The following DHTKD1 variants were observed in gnomAD, a reference collection of about 807,000 sequenced individuals.
DHTKD1 encodes the protein 2-oxoadipate dehydrogenase complex component E1.
A neutral mutation model predicts 101.8 loss-of-function variants in DHTKD1; 78 were observed. That is an observed-to-expected ratio of 0.77 (90% confidence interval 0.64 to 0.93). The LOEUF is 0.93. Ranked by LOEUF, DHTKD1 falls within the 40% of genes least tolerant of loss-of-function variation. DHTKD1 has a pLI of 0.00. For missense variants in DHTKD1, 1,223 were observed against 1,161.7 expected (o/e 1.05, Z -0.77); for synonymous variants, 462 against 450.3 (o/e 1.03, Z -0.33).
intron 1 of DHTKD1, 128 bp downstream of exon 1, chr10:12,069,315 G>A (rs1238491366): frequency 2.5e-5 from 19 of 761,304 alleles, no homozygotes; most frequent in Non-Finnish European, 3.4e-5. Flanking sequence ...GTGGGGAGGA[G>A]GGGGAGGTGA....
chr10:12,083,648 C>G (rs898770371), intron 2 of DHTKD1, among the ~76,000 whole-genome samples: 2 of 151,446 alleles, frequency 1.3e-5, no homozygotes, highest in Non-Finnish European at 2.9e-5. Flanking sequence ...GCAGGAGAAT[C>G]ACTTGAACCT....
intron 14 of DHTKD1, among the ~76,000 whole-genome samples, 177 bp from the exon 15 acceptor site, chr10:12,118,572 C>T (rs545907341): frequency 5.9e-4 from 90 of 151,900 alleles, no homozygotes; most frequent in African/African-American, 1.6e-3. Flanking sequence ...TTAGTAGAGA[C>T]AGGGTTTCAC....
Position 12,100,225 on chromosome 10 carries a change from C to T in DHTKD1, c.1719C>T (p.Thr573=), listed in dbSNP as rs376488113. 3.1e-5 allele frequency: 49 copies of T among 1,582,322 alleles called. No individual in the cohort carries two copies. Among genetic ancestry groups the T allele is most frequent in the East Asian group, 1.4e-4 (6 of 43,220 alleles). ...MMDGIKLDWA[T]AEALALGSLL... ...ACGGAATCAAGCTAGACTGGGCCAC[C>T]GCGGAAGCTCTTGCCTTGGGTTCTT... Residue 573 remains threonine, a synonymous_variant, in exon 9 of 17, where the codon ACC becomes ACT. Transcript: ENST00000263035.
At chr10:12,083,136 C>T (rs887385427) in intron 2 of DHTKD1, among the ~76,000 whole-genome samples, 2 of 150,378 alleles carry the variant, frequency 1.3e-5, no homozygotes, top group Non-Finnish European at 2.9e-5. Flanking sequence ...CCAGCCTGGG[C>T]GACAGAGCGA....
intron 7 of DHTKD1, among the ~76,000 whole-genome samples, chr10:12,095,995 C>G (rs907055298): frequency 2.0e-5 from 3 of 151,912 alleles, no homozygotes; most frequent in African/African-American, 7.3e-5. Flanking sequence ...GGCGACAGAG[C>G]GAGACTCGGT....
At chr10:12,105,591 G>A (rs1398736014) in intron 10 of DHTKD1, among the ~76,000 whole-genome samples, 1 of 152,054 alleles carries the variant, frequency 6.6e-6, no homozygotes, top group East Asian at 1.9e-4. Flanking sequence ...TTGTTGGGAG[G>A]CCACCACGCC....
chr10:12,095,748 G>C (rs1833057523), intron 7 of DHTKD1, among the ~76,000 whole-genome samples: 1 of 141,694 alleles, frequency 7.1e-6, no homozygotes, highest in Non-Finnish European at 1.5e-5. Flanking sequence ...GGGAGGCGGA[G>C]CTTGCAGTGA....
At chr10:12,119,632 A>T (rs7095490) in intron 15 of DHTKD1, among the ~76,000 whole-genome samples, 1 of 150,788 alleles carries the variant, frequency 6.6e-6, no homozygotes. Flanking sequence ...AAAAAAAAAA[A>T]AAAGAAAGAA....
At chr10:12,079,260 A>G (rs912668768) in intron 1 of DHTKD1, among the ~76,000 whole-genome samples, 1 of 152,090 alleles carries the variant, frequency 6.6e-6, no homozygotes, top group African/African-American at 2.4e-5. Flanking sequence ...ACCAATATTT[A>G]GAGTTGGGCA....
intron 4 of DHTKD1, among the ~76,000 whole-genome samples, chr10:12,088,080 T>C (rs1014515604): frequency 2.0e-5 from 3 of 151,844 alleles, no homozygotes; most frequent in African/African-American, 7.3e-5. Flanking sequence ...ACCACTGCAC[T>C]CCAGGCTGGG....
Position 12,120,870 on chromosome 10 carries a change from C to G in DHTKD1, c.2742C>G (p.Leu914=), listed in dbSNP as rs201680688. ...ACTTGCACCAGCATGAAGATATCCT[C>G]GCCAAGACCTTCGCTTGATGATGAC... The part of the protein sequence containing the change: ...TVHLHQHEDI[L]AKTFA Residue 914 remains leucine (L), a synonymous_variant, in exon 17 of 17, where the codon CTC becomes CTG. Coordinates refer to ENST00000263035, the MANE Select transcript of DHTKD1 (RefSeq NM_018706.7). 6.2e-7 allele frequency: 1 copy of G among 1,613,820 alleles called. No individual in the cohort carries two copies. Among genetic ancestry groups the G allele is most frequent in the African/African-American group, 1.3e-5 (1 of 74,936 alleles).
intron 13 of DHTKD1, among the ~76,000 whole-genome samples, chr10:12,115,928 ATTT>A (rs762994821): frequency 2.3e-5 from 3 of 133,146 alleles, no homozygotes; most frequent in Non-Finnish European, 3.2e-5. Flanking sequence ...ACACCCAGCA[ATTT>A]TTTTTTTTTT....
In DHTKD1 at chr10:12,113,054, T is replaced by C. The variant is rs759351120; in HGVS notation, c.2309T>C (p.Leu770Pro). 1 of 1,608,320 alleles carries C rather than the reference T, an allele frequency of 6.2e-7. No homozygotes were observed. The highest frequency in any genetic ancestry group is 8.5e-7 in the Non-Finnish European group (1 of 1,177,704). ...ATTGTTGCTTCCCCTAAGATGTTAC[T>C]CAGGCTCCCGGTAAGCAGAAGGTGG... ...PLIVASPKML[L>P]RLPAAVSTLQ... The change falls in exon 13 of 17, where the codon CTC becomes CCC. Residue 770 changes from leucine to proline, a missense_variant. Physicochemically the swap from Leu to Pro is moderately conservative, Grantham distance 98 (BLOSUM62 -3). Coordinates refer to ENST00000263035, the MANE Select transcript of DHTKD1 (RefSeq NM_018706.7).
At chr10:12,111,999 A>C (rs1205054215) in intron 12 of DHTKD1, among the ~76,000 whole-genome samples, 3 of 152,016 alleles carry the variant, frequency 2.0e-5, no homozygotes, top group African/African-American at 7.2e-5. Flanking sequence ...ATGGGAATCA[A>C]GGGTGTATGC....
rs1453072846 is a variant in DHTKD1 at position 12,107,679 on chromosome 10, A to T, written c.2048-230A>T. Among the ~76,000 whole-genome samples, 2 of 152,048 alleles carry T rather than the reference A, an allele frequency of 1.3e-5. No individual in the cohort carries two copies. The highest frequency in any genetic ancestry group is 1.9e-4 in the East Asian group (1 of 5,184). ...GTGATCTATCCGCCTCAGCCTCCCA[A>T]AGTGCTGGGATTACAGGTGTGAGCC... is the stretch of plus-strand genomic sequence containing the variant. On this transcript the variant is annotated intron_variant, in intron 11 of 16. Coordinates refer to ENST00000263035, the MANE Select transcript of DHTKD1 (RefSeq NM_018706.7). The surrounding 1 kb of genome is among the most constrained non-coding windows in gnomAD (Gnocchi z 4.1).
Position 12,118,914 on chromosome 10 carries a change from T to C in DHTKD1, c.2568T>C (p.Val856=). Residue 856 remains valine (V), a synonymous_variant, in exon 15 of 17, where the codon GTT becomes GTC. Transcript: ENST00000263035. ...LQQEMSKYKH[V]KDHIWSQEEP... ...AAGAGATGAGCAAATACAAACATGT[T>C]AAAGGTAAGAGGTTGTTCTCATTTG... The C allele has an allele frequency of 6.4e-7, 1 of 1,566,494 alleles. No individual in the cohort carries two copies. Among genetic ancestry groups the C allele is most frequent in the Non-Finnish European group, 8.6e-7 (1 of 1,156,986 alleles).
At chr10:12,118,993 T>C (rs1213679500) in intron 15 of DHTKD1, 75 bp downstream of exon 15, 1 of 1,364,258 alleles carries the variant, frequency 7.3e-7, no homozygotes, top group Non-Finnish European at 9.7e-7. Flanking sequence ...AATGAAAAGA[T>C]GTGGTGGGGG....
At chr10:12,094,389 C>T (rs1833037069) in intron 7 of DHTKD1, 118 bp downstream of exon 7, 6 of 882,378 alleles carry the variant, frequency 6.8e-6, no homozygotes, top group Non-Finnish European at 1.1e-5. Context: ...ACGATCTTGG[C>T]TCACTGCCAT....
chr10:12,108,783 G>T (rs1345981632), intron 12 of DHTKD1, among the ~76,000 whole-genome samples: 13 of 152,130 alleles, frequency 8.5e-5, no homozygotes, highest in Non-Finnish European at 1.6e-4. Context: ...TATTATACTT[G>T]TTTTTTCACA....
Sources: gnomAD v4.1 joint callset for allele counts (sites outside exome capture counted in the v4.1 genomes callset) on GRCh38, gnomAD v4.1.1 for gene constraint, Gnocchi (gnomAD v3.1) non-coding constraint, MANE v1.5 for transcripts, NCBI Gene and HGNC (gene_info 2026-07-23, HGNC 2026-07-21) for gene names.